PRR16: variants seen among roughly 807,000 people sequenced by gnomAD.
PRR16 encodes the protein protein Largen.
PRR16 carries 6 observed loss-of-function variants against 18.2 expected under a neutral mutation model. The observed-to-expected ratio is 0.33, with a 90% CI of 0.18 to 0.65. The LOEUF (loss-of-function observed/expected upper bound fraction) is 0.65, where lower values mean the gene tolerates loss of function less well. PRR16 is among the 30% of genes least tolerant of loss of function. The pLI, the probability that PRR16 is intolerant of heterozygous loss-of-function variation, is 0.74. For synonymous variants in PRR16, 151 were observed against 147.8 expected, an observed-to-expected ratio of 1.02 and a Z score of -0.16; for missense variants, 412 against 376.6, an observed-to-expected ratio of 1.09 and a Z score of -0.78.
At chr5:120,604,354 T>C (rs1361370656) in intron 1 of PRR16, among the ~76,000 whole-genome samples, 1 of 152,098 alleles carries the variant, frequency 6.6e-6, no homozygotes, top group Non-Finnish European at 1.5e-5. Flanking sequence ...TTGTTTTGTC[T>C]GAAACAGGAA....
chr5:120,474,571 G>T (rs888414298), intron 1 of PRR16, among the ~76,000 whole-genome samples: 2 of 148,370 alleles, frequency 1.3e-5, no homozygotes, highest in African/African-American at 2.5e-5. Context: ...TGTCTCTTTT[G>T]TGTCTTGTAT....
chr5:120,694,717 AAC>A, the PRR16 span, among the ~76,000 whole-genome samples: 1 of 152,246 alleles, frequency 6.6e-6, no homozygotes, highest in Non-Finnish European at 1.5e-5. Flanking sequence ...AGAAAACTGA[AAC>A]AAAAAGCATG....
At chr5:120,631,000 C>A (rs565681212) in intron 1 of PRR16, among the ~76,000 whole-genome samples, 1 of 152,144 alleles carries the variant, frequency 6.6e-6, no homozygotes, top group East Asian at 1.9e-4. Context: ...TATTGAGGAC[C>A]AATATCACCC....
At chr5:120,757,266 G>A in the PRR16 span, among the ~76,000 whole-genome samples, 7 of 152,134 alleles carry the variant, frequency 4.6e-5, no homozygotes, top group Non-Finnish European at 5.9e-5. Flanking sequence ...CTCTGGCTTC[G>A]TTCTTTTGGT....
chr5:120,712,022 T>A, the PRR16 span, among the ~76,000 whole-genome samples: 5 of 152,174 alleles, frequency 3.3e-5, no homozygotes, highest in Admixed American at 1.3e-4. Flanking sequence ...TTCCTCTTAT[T>A]GACAAGTTTC....
chr5:120,748,244 T>C, the PRR16 span, among the ~76,000 whole-genome samples: 24 of 152,206 alleles, frequency 1.6e-4, no homozygotes, highest in Non-Finnish European at 3.1e-4. Flanking sequence ...GTTCAGACTG[T>C]AGTGAGGTTG....
intron 1 of PRR16, among the ~76,000 whole-genome samples, chr5:120,647,089 G>A (rs572790168): frequency 9.9e-5 from 15 of 151,824 alleles, no homozygotes; most frequent in South Asian, 4.2e-4. Context: ...AAATGCCTTC[G>A]AAAATTAAGT....
At chr5:120,746,157 T>A in the PRR16 span, among the ~76,000 whole-genome samples, 1 of 152,130 alleles carries the variant, frequency 6.6e-6, no homozygotes, top group Non-Finnish European at 1.5e-5. Context: ...ATTACATTTT[T>A]GTTCCTTCGG....
chr5:120,631,792 G>T (rs1755062560), intron 1 of PRR16, among the ~76,000 whole-genome samples: 1 of 152,058 alleles, frequency 6.6e-6, no homozygotes, highest in Admixed American at 6.6e-5. Flanking sequence ...AATCTTTTGG[G>T]AGATCTATGG....
At chr5:120,768,576 A>T in the PRR16 span, among the ~76,000 whole-genome samples, 1 of 151,698 alleles carries the variant, frequency 6.6e-6, no homozygotes, top group African/African-American at 2.4e-5. Flanking sequence ...GTATGGGGAG[A>T]ATAATACACT....
At chr5:120,687,951 A>C (rs1390790063), downstream of PRR16, among the ~76,000 whole-genome samples, 1 of 152,146 alleles carries the variant, frequency 6.6e-6, no homozygotes, top group Non-Finnish European at 1.5e-5. Context: ...TCTCCCCTAG[A>C]GTTATGATGA....
chr5:120,626,009 A>G (rs1046326127), intron 1 of PRR16, among the ~76,000 whole-genome samples: 2 of 152,156 alleles, frequency 1.3e-5, no homozygotes, highest in Non-Finnish European at 2.9e-5. Context: ...AATCTGTGCT[A>G]TTAACCACAC....
At chr5:120,642,644 C>T (rs141598623) in intron 1 of PRR16, among the ~76,000 whole-genome samples, 1 of 152,200 alleles carries the variant, frequency 6.6e-6, no homozygotes, top group Non-Finnish European at 1.5e-5. Flanking sequence ...TTCACATGTA[C>T]ACTGAGATTT....
intron 1 of PRR16, among the ~76,000 whole-genome samples, chr5:120,464,925 T>C (rs1241037098): frequency 6.6e-6 from 1 of 152,032 alleles, no homozygotes; most frequent in Non-Finnish European, 1.5e-5. Context: ...TCTGTGTGTG[T>C]GACGACGGGG....
At chr5:120,527,792 C>T (rs778562944) in intron 1 of PRR16, among the ~76,000 whole-genome samples, 15 of 152,128 alleles carry the variant, frequency 9.9e-5, no homozygotes, top group Non-Finnish European at 1.9e-4. Context: ...GCTGTTTTAG[C>T]AGAAGGGAGA....
At chr5:120,541,671 TAG>T (rs993557541) in intron 1 of PRR16, among the ~76,000 whole-genome samples, 3 of 152,192 alleles carry the variant, frequency 2.0e-5, no homozygotes, top group African/African-American at 7.2e-5. Flanking sequence ...TCCTAATATT[TAG>T]AGTTTTATAC....
chr5:120,671,130 A>G (rs1756587753), intron 1 of PRR16, among the ~76,000 whole-genome samples: 1 of 151,896 alleles, frequency 6.6e-6, no homozygotes, highest in Non-Finnish European at 1.5e-5. Context: ...CACACACCAT[A>G]CCCCTTACAC....
At chr5:120,731,162 T>TG in the PRR16 span, among the ~76,000 whole-genome samples, 1 of 152,170 alleles carries the variant, frequency 6.6e-6, no homozygotes, top group African/African-American at 2.4e-5. Context: ...GTTCTGTGCA[T>TG]GAATCTGATA....
chr5:120,493,734 C>T (rs960402194), intron 1 of PRR16, among the ~76,000 whole-genome samples: 6 of 152,148 alleles, frequency 3.9e-5, no homozygotes, highest in Non-Finnish European at 7.3e-5. Flanking sequence ...ATCTGTTTTC[C>T]ATTTCTATAA....
Sources: allele counts gnomAD v4.1 joint callset (sites outside exome capture counted in the v4.1 genomes callset), GRCh38; gene constraint gnomAD v4.1.1; transcripts MANE v1.5; gene names NCBI Gene and HGNC (gene_info 2026-07-23, HGNC 2026-07-21).